Variants in DAB1 observed in about 807,000 individuals in gnomAD.
The protein encoded by DAB1 is DAB adaptor protein 1.
In DAB1, 15 loss-of-function variants were observed where a neutral mutation model predicts 64.6. The ratio of observed to expected loss-of-function variants is 0.23; its 90% CI spans 0.16 to 0.36. The LOEUF (loss-of-function observed/expected upper bound fraction) is 0.36, where lower values mean the gene tolerates loss of function less well. DAB1 is among the 10% of genes least tolerant of loss of function. The pLI is 1.00. For missense variants in DAB1, 596 were observed against 706.7 expected (o/e 0.84, Z 1.78); for synonymous variants, 235 against 251.9 (o/e 0.93, Z 0.64).
At chr1:57,352,410 A>G (rs1455030680) in intron 1 of DAB1, among the ~76,000 whole-genome samples, 1 of 152,158 alleles carries the variant, frequency 6.6e-6, no homozygotes, top group African/African-American at 2.4e-5. Context: ...TTTACCCAAA[A>G]TATGTTTTTT....
intron 1 of DAB1, among the ~76,000 whole-genome samples, chr1:57,847,601 A>G (rs2101923679): frequency 6.6e-6 from 1 of 152,292 alleles, no homozygotes; most frequent in Non-Finnish European, 1.5e-5. Flanking sequence ...AAAAGAAAGC[A>G]GTGATTGGGA....
At chr1:57,027,233 A>G (rs575816981) in intron 9 of DAB1, among the ~76,000 whole-genome samples, 1 of 152,274 alleles carries the variant, frequency 6.6e-6, no homozygotes, top group South Asian at 2.1e-4. Flanking sequence ...CTGGTAAGAT[A>G]AACCACAAGA....
At chr1:57,312,486 T>A (rs556036798) in intron 1 of DAB1, among the ~76,000 whole-genome samples, 2 of 152,324 alleles carry the variant, frequency 1.3e-5, no homozygotes, top group Non-Finnish European at 2.9e-5. Context: ...TAATTTTATC[T>A]AAGCAGATGC....
At chr1:57,038,265 A>G (rs1249496475) in intron 9 of DAB1, among the ~76,000 whole-genome samples, 2 of 152,226 alleles carry the variant, frequency 1.3e-5, no homozygotes, top group Non-Finnish European at 2.9e-5. Context: ...AATCAAATTC[A>G]GTTTGCAAAA....
chr1:57,606,728 T>C (rs1645656860), intron 7 of DAB1, among the ~76,000 whole-genome samples: 1 of 135,780 alleles, frequency 7.4e-6, no homozygotes, highest in Non-Finnish European at 1.5e-5. Flanking sequence ...AATATATTTA[T>C]ATGAAATATA....
chr1:57,595,617 G>T (rs1028494230), intron 7 of DAB1, among the ~76,000 whole-genome samples: 1 of 151,976 alleles, frequency 6.6e-6, no homozygotes, highest in African/African-American at 2.4e-5. Context: ...ATATGGTTCA[G>T]ATCTGTGTTC....
intron 6 of DAB1, among the ~76,000 whole-genome samples, chr1:57,657,806 T>G (rs1345021040): frequency 6.6e-6 from 1 of 152,236 alleles, no homozygotes; most frequent in African/African-American, 2.4e-5. Flanking sequence ...TTTGCTATGT[T>G]GAATCACTCT....
chr1:57,242,468 C>A (rs1240957453), intron 2 of DAB1, among the ~76,000 whole-genome samples: 1 of 152,120 alleles, frequency 6.6e-6, no homozygotes, highest in Non-Finnish European at 1.5e-5. Context: ...AGGAGGTGAT[C>A]ATAACACGTG....
At chr1:57,783,106 C>CTTTTTTTTTTTT (rs58761251) in intron 6 of DAB1, among the ~76,000 whole-genome samples, 1 of 99,876 alleles carries the variant, frequency 1.0e-5, no homozygotes, top group East Asian at 3.1e-4. Flanking sequence ...TCTCTCTTTT[C>CTTTTTTTTTTTT]TTTTTTTTTT....
chr1:57,598,754 G>A (rs1645541356), intron 7 of DAB1, among the ~76,000 whole-genome samples: 1 of 152,164 alleles, frequency 6.6e-6, no homozygotes, highest in Non-Finnish European at 1.5e-5. Flanking sequence ...TGTCACCCCA[G>A]TCCACATGAG....
At position 58,015,118 on chromosome 1, in the gene DAB1, C is replaced by T. The variant is rs1239660715; in HGVS notation, n.388-130956G>A. Among the ~76,000 whole-genome samples, 6 of 152,174 alleles carry T rather than the reference C, an allele frequency of 3.9e-5. No homozygotes were observed. The East Asian group carries it at 1.2e-3, about 29-fold the overall frequency. ...ACTTGTAGACTTGGCCTTAGCTATG[C>T]CATCCTGACCTATGCCAAATGGAGT... On this transcript the variant is annotated intron_variant and non_coding_transcript_variant, in intron 5 of 20. Coordinates refer to the DAB1 transcript ENST00000485760.
intron 3 of DAB1, among the ~76,000 whole-genome samples, chr1:58,406,694 AGAACGATAATATC>A (rs1428493306): frequency 7.6e-6 from 1 of 131,330 alleles, no homozygotes; most frequent in Non-Finnish European, 1.6e-5. Flanking sequence ...TAATTAGAAA[AGAACGATAATATC>A]ATCCCCCCCC....
intron 4 of DAB1, among the ~76,000 whole-genome samples, chr1:58,253,034 T>G (rs1660839942): frequency 6.6e-6 from 1 of 152,176 alleles, no homozygotes; most frequent in Non-Finnish European, 1.5e-5. Context: ...ACTGCTGGGT[T>G]GGAAATCAGG....
At chr1:57,169,805 G>A (rs748739115) in intron 2 of DAB1, among the ~76,000 whole-genome samples, 1 of 151,868 alleles carries the variant, frequency 6.6e-6, no homozygotes, top group Non-Finnish European at 1.5e-5. Flanking sequence ...TTTCCTCTTA[G>A]TAATTTTCTA....
At chr1:57,999,161 A>G (rs1006362402) in intron 5 of DAB1, among the ~76,000 whole-genome samples, 1 of 152,212 alleles carries the variant, frequency 6.6e-6, no homozygotes, top group Non-Finnish European at 1.5e-5. Context: ...TTAATCTGCT[A>G]TCATGGGCCA....
At chr1:57,905,254 G>A (rs779984660) in intron 5 of DAB1, among the ~76,000 whole-genome samples, 2 of 151,776 alleles carry the variant, frequency 1.3e-5, no homozygotes, top group Admixed American at 6.6e-5. Flanking sequence ...AGAATAAAGC[G>A]TGAAAGTCTT....
At chr1:57,699,071 G>A (rs1646877772) in intron 6 of DAB1, among the ~76,000 whole-genome samples, 1 of 152,102 alleles carries the variant, frequency 6.6e-6, no homozygotes, top group Non-Finnish European at 1.5e-5. Context: ...CCAAGTAGCT[G>A]GGACTACAGG....
intron 4 of DAB1, among the ~76,000 whole-genome samples, chr1:58,269,016 A>AT (rs918984644): frequency 3.1e-4 from 7 of 22,320 alleles, no homozygotes; most frequent in East Asian, 3.6e-3. Context: ...TTTTTTATTT[A>AT]TTTTTTTTTT....
chr1:58,115,059 C>A lies in DAB1; in HGVS notation n.387+35452G>T, dbSNP rs373437385. ...ATCAGAGTGAACAGGCAACCTACAA[C>A]ATGGGAGAAAATTTTCGCAACCTAC... On this transcript the variant is annotated intron_variant and non_coding_transcript_variant, in intron 5 of 20. Coordinates refer to the DAB1 transcript ENST00000485760. 9.8e-3 allele frequency among the ~76,000 whole-genome samples: 1,445 copies of A among 148,058 alleles called. 19 individuals carry two copies. The highest frequency in any genetic ancestry group is 0.034 in the African/African-American group (1,358 of 39,838).
Sources: allele counts gnomAD v4.1 joint callset (sites outside exome capture counted in the v4.1 genomes callset), GRCh38; gene constraint gnomAD v4.1.1; transcripts MANE v1.5; gene names NCBI Gene and HGNC (gene_info 2026-07-23, HGNC 2026-07-21).